Variants in NINJ1 observed in about 807,000 individuals in gnomAD.
NINJ1 encodes the protein ninjurin 1.
In NINJ1, 6 loss-of-function variants were observed where a neutral mutation model predicts 12.7. The ratio of observed to expected loss-of-function variants is 0.47; its 90% CI spans 0.26 to 0.93. NINJ1 has a LOEUF of 0.93. NINJ1 is among the 40% of genes least tolerant of loss of function. The pLI, the probability that NINJ1 is intolerant of heterozygous loss-of-function variation, is 0.15. For missense variants in NINJ1, 170 were observed against 213.0 expected (o/e 0.80, Z 1.26); for synonymous variants, 100 against 96.0 (o/e 1.04, Z -0.25).
intron 3 of NINJ1, among the ~76,000 whole-genome samples, chr9:93,123,643 G>T (rs1827767913): frequency 6.6e-6 from 1 of 152,206 alleles, no homozygotes; most frequent in Non-Finnish European, 1.5e-5. Flanking sequence ...CACTGCTCCT[G>T]TCTACTCTGC....
intron 1 of NINJ1, among the ~76,000 whole-genome samples, chr9:93,133,800 G>T (rs1053248698): frequency 1.2e-4 from 19 of 152,190 alleles, no homozygotes; most frequent in Non-Finnish European, 1.0e-4. Context: ...CGCGAGAGTG[G>T]GGGGGAGGTC....
At chr9:93,126,682 G>T in intron 1 of NINJ1, 44 bp from the exon 2 acceptor site, 1 of 1,493,388 alleles carries the variant, frequency 6.7e-7, no homozygotes, top group Non-Finnish European at 9.1e-7. Context: ...GGGGAGGGGG[G>T]CAAGGGCTGT....
chr9:93,129,590 C>T (rs1827861595), intron 1 of NINJ1, among the ~76,000 whole-genome samples: 1 of 152,222 alleles, frequency 6.6e-6, no homozygotes, highest in Non-Finnish European at 1.5e-5. Context: ...CCGTTGGCCT[C>T]AGTCTCCCCC....
intron 3 of NINJ1, among the ~76,000 whole-genome samples, chr9:93,122,720 C>T (rs1451034729): frequency 6.6e-6 from 1 of 152,160 alleles, no homozygotes; most frequent in African/African-American, 2.4e-5. Context: ...TAGCCACCCA[C>T]GAAGCCTGAG....
intron 1 of NINJ1, among the ~76,000 whole-genome samples, chr9:93,132,613 C>T (rs1827911702): frequency 6.6e-6 from 1 of 152,264 alleles, no homozygotes; most frequent in Admixed American, 6.5e-5. Context: ...CCAGGGAACC[C>T]CCTGCTTTGC....
At chr9:93,122,297 AGGAG>A (rs1316641593) in intron 3 of NINJ1, 67 bp from the exon 4 acceptor site, 2 of 151,544 alleles carry the variant, frequency 1.3e-5, no homozygotes, top group Non-Finnish European at 2.9e-5. Flanking sequence ...TGAGCCTGGA[AGGAG>A]GGAGAGGAGA....
chr9:93,128,346 T>C (rs1395324881), intron 1 of NINJ1, among the ~76,000 whole-genome samples: 1 of 152,234 alleles, frequency 6.6e-6, no homozygotes, highest in African/African-American at 2.4e-5. Flanking sequence ...TGAGAGGCTG[T>C]GTTCCTCTCC....
chr9:93,123,701 C>T (rs1248465355), intron 3 of NINJ1, among the ~76,000 whole-genome samples: 1 of 152,248 alleles, frequency 6.6e-6, no homozygotes, highest in Non-Finnish European at 1.5e-5. Flanking sequence ...GGAGTGCCCA[C>T]CCCTCCCTTA....
intron 1 of NINJ1, among the ~76,000 whole-genome samples, chr9:93,133,614 A>T (rs1202945686): frequency 6.6e-6 from 1 of 152,244 alleles, no homozygotes; most frequent in East Asian, 1.9e-4. Context: ...TAGGGACCAC[A>T]GCGGGCCCCA....
At chr9:93,132,666 C>T (rs929668040) in intron 1 of NINJ1, among the ~76,000 whole-genome samples, 9 of 152,228 alleles carry the variant, frequency 5.9e-5, no homozygotes, top group African/African-American at 2.2e-4. Flanking sequence ...GCTCTCCAAC[C>T]GCGGCTTGGT....
At chr9:93,133,473 C>T (rs10821073) in intron 1 of NINJ1, among the ~76,000 whole-genome samples, 30,183 of 152,266 alleles carry the variant, frequency 0.2, 3,261 homozygotes, top group South Asian at 0.29. Flanking sequence ...AATTCTGAAG[C>T]GGGACCACTA....
chr9:93,129,294 C>A (rs1827857513), intron 1 of NINJ1, among the ~76,000 whole-genome samples: 2 of 152,222 alleles, frequency 1.3e-5, no homozygotes, highest in Admixed American at 6.5e-5. Context: ...GCTGAACTCT[C>A]AATGGCTCCC....
At chr9:93,122,904 C>A (rs1182651441) in intron 3 of NINJ1, among the ~76,000 whole-genome samples, 1 of 152,240 alleles carries the variant, frequency 6.6e-6, no homozygotes, top group Non-Finnish European at 1.5e-5. Flanking sequence ...GCACACACAG[C>A]AGGTGATTAA....
intron 1 of NINJ1, among the ~76,000 whole-genome samples, chr9:93,129,568 C>T (rs971422423): frequency 6.6e-6 from 1 of 152,218 alleles, no homozygotes; most frequent in Non-Finnish European, 1.5e-5. Flanking sequence ...GGCCCTGACG[C>T]AAGCTCCCCC....
intron 1 of NINJ1, among the ~76,000 whole-genome samples, chr9:93,126,844 G>A (rs191589068): frequency 3.3e-5 from 5 of 152,280 alleles, no homozygotes; most frequent in African/African-American, 9.6e-5. Flanking sequence ...CTAGGAATAC[G>A]GTCCTGGAGA....
intron 1 of NINJ1, 49 bp downstream of exon 1, chr9:93,134,093 GA>G: frequency 1.4e-6 from 2 of 1,414,046 alleles, no homozygotes; most frequent in South Asian, 1.3e-5. Context: ...GCGGCGCCCC[GA>G]AAGGACAGGG....
intron 3 of NINJ1, among the ~76,000 whole-genome samples, chr9:93,122,508 T>G (rs901287895): frequency 1.4e-5 from 2 of 143,848 alleles, no homozygotes; most frequent in African/African-American, 2.6e-5. Flanking sequence ...TGAGCCAGGC[T>G]GTGACAAGCC....
At chr9:93,124,830 A>T in intron 3 of NINJ1, 69 bp downstream of exon 3, 1 of 1,499,530 alleles carries the variant, frequency 6.7e-7, no homozygotes, top group Non-Finnish European at 8.9e-7. Flanking sequence ...GGGACTCACC[A>T]CACTGCAAGA....
chr9:93,129,875 G>C (rs1004100597), intron 1 of NINJ1, among the ~76,000 whole-genome samples: 1 of 152,180 alleles, frequency 6.6e-6, no homozygotes. Context: ...CTGGGCCTTG[G>C]AGCCCTGAGC....
Sources: allele counts gnomAD v4.1 joint callset (sites outside exome capture counted in the v4.1 genomes callset), GRCh38; gene constraint gnomAD v4.1.1; transcripts MANE v1.5; gene names NCBI Gene and HGNC (gene_info 2026-07-23, HGNC 2026-07-21).